RELN: variants seen among roughly 807,000 people sequenced by gnomAD.
RELN encodes reelin.
In RELN, 108 loss-of-function variants were observed where a neutral mutation model predicts 427.6. The observed-to-expected ratio is 0.25, with a 90% CI of 0.22 to 0.30. The LOEUF (loss-of-function observed/expected upper bound fraction) is 0.30, where lower values mean the gene tolerates loss of function less well. Ranked by LOEUF, RELN falls within the 10% of genes least tolerant of loss-of-function variation. The pLI, the probability that RELN is intolerant of heterozygous loss-of-function variation, is 1.00. For synonymous variants in RELN, 1,524 were observed against 1,513.4 expected (o/e 1.01, Z -0.16); for missense variants, 3,715 against 4,302.8 (o/e 0.86, Z 3.82).
At chr7:103,516,267 C>A (rs1829564268) in intron 49 of RELN, among the ~76,000 whole-genome samples, 1 of 149,788 alleles carries the variant, frequency 6.7e-6, no homozygotes, top group Non-Finnish European at 1.5e-5. Flanking sequence ...TTAGATTTAC[C>A]ATCCTCCTCA....
At chr7:103,842,820 T>G (rs1257182749) in intron 2 of RELN, among the ~76,000 whole-genome samples, 1 of 152,184 alleles carries the variant, frequency 6.6e-6, no homozygotes, top group Admixed American at 6.5e-5. Context: ...GTTCTATAAA[T>G]AGAGCCAATT....
At chr7:103,635,319 CATCT>C in intron 19 of RELN, 102 bp downstream of exon 19, 1 of 1,254,456 alleles carries the variant, frequency 8.0e-7, no homozygotes, top group Admixed American at 1.9e-5. Context: ...TTGTGCGCTC[CATCT>C]GTCAATGGAA....
intron 19 of RELN, among the ~76,000 whole-genome samples, chr7:103,630,860 GTT>G (rs1224190919): frequency 7.4e-6 from 1 of 134,504 alleles, no homozygotes; most frequent in Non-Finnish European, 1.6e-5. Flanking sequence ...TGTTTTTTTT[GTT>G]TTTTTTTTTT....
intron 7 of RELN, among the ~76,000 whole-genome samples, 166 bp from the exon 8 acceptor site, chr7:103,723,357 G>C (rs541984055): frequency 6.6e-6 from 1 of 152,154 alleles, no homozygotes; most frequent in Non-Finnish European, 1.5e-5. Flanking sequence ...CAATGTGTCT[G>C]AACACAGACC....
At chr7:103,696,874 A>G (rs1833987287) in intron 10 of RELN, among the ~76,000 whole-genome samples, 1 of 152,168 alleles carries the variant, frequency 6.6e-6, no homozygotes, top group Non-Finnish European at 1.5e-5. Flanking sequence ...CCTTCAAGAT[A>G]AAAATTCAAA....
At chr7:103,819,966 C>T (rs747653467) in intron 3 of RELN, among the ~76,000 whole-genome samples, 2 of 151,728 alleles carry the variant, frequency 1.3e-5, no homozygotes, top group Admixed American at 6.6e-5. Flanking sequence ...AACACTAAAC[C>T]CTTGCTCCTA....
chr7:103,605,844 T>C lies in RELN; in HGVS notation c.3009-1361A>G, dbSNP rs139320558. 7.6e-4 allele frequency among the ~76,000 whole-genome samples: 115 copies of C among 152,282 alleles called. No homozygotes were observed. In the South Asian group the frequency reaches 0.012, roughly 15 times the overall value. On this transcript the variant is annotated intron_variant, in intron 22 of 64. Coordinates refer to ENST00000428762, the MANE Select transcript of RELN (RefSeq NM_005045.4). Reference sequence around the variant, plus strand: ...TATTTTATCAATGATCTGTGACTAATAGGTTGTATTTTCATTCCTAGTAGG... The same window carrying C: ...TATTTTATCAATGATCTGTGACTAACAGGTTGTATTTTCATTCCTAGTAGG...
Position 103,838,208 on chromosome 7 carries a change from CAAAAAAAAAAAA to C in RELN, c.338-4548_338-4537del, listed in dbSNP as rs58553259. On this transcript the variant is annotated intron_variant, in intron 2 of 64. Transcript: ENST00000428762. ...TGGGCGACAGAGCGAGACTTCGTCT[CAAAAAAAAAAAA>C]AAAAAAAAAAAAAAGAAGTAATTTC... Among the ~76,000 whole-genome samples the C allele has an allele frequency of 2.6e-3, 213 of 81,114 alleles. 1 individual carries two copies. The highest frequency in any genetic ancestry group is 0.01 in the African/African-American group (205 of 19,838). The allele number at this position is 81,114 out of a possible 152,430, so 53.2% of individuals were successfully genotyped here.
At chr7:103,982,673 G>C (rs1011365577) in intron 1 of RELN, among the ~76,000 whole-genome samples, 4 of 152,082 alleles carry the variant, frequency 2.6e-5, no homozygotes, top group African/African-American at 9.7e-5. Flanking sequence ...GTGGGAAGGA[G>C]ATGGGAAAGG....
chr7:103,675,350 A>G (rs1038686261), intron 11 of RELN, among the ~76,000 whole-genome samples: 3 of 152,222 alleles, frequency 2.0e-5, no homozygotes, highest in African/African-American at 7.2e-5. Flanking sequence ...GGACCTCTTC[A>G]GGGAGAACTA....
chr7:103,506,935 A>G (rs558769678), intron 51 of RELN, among the ~76,000 whole-genome samples: 1 of 152,366 alleles, frequency 6.6e-6, no homozygotes, highest in African/African-American at 2.4e-5. Flanking sequence ...AAAGAGACAA[A>G]GACTGGCATT....
chr7:103,520,851 C>T (rs1829683414), intron 48 of RELN, among the ~76,000 whole-genome samples: 1 of 150,518 alleles, frequency 6.6e-6, no homozygotes, highest in African/African-American at 2.5e-5. Flanking sequence ...TGCCTTCTTG[C>T]TACTCGAGCT....
At chr7:103,677,517 G>A (rs1370522682) in intron 11 of RELN, among the ~76,000 whole-genome samples, 1 of 147,000 alleles carries the variant, frequency 6.8e-6, no homozygotes, top group Non-Finnish European at 1.5e-5. Context: ...TGTAATCCCA[G>A]CACTTCAGGA....
At chr7:103,525,383 G>A (rs940926287) in intron 46 of RELN, among the ~76,000 whole-genome samples, 1 of 152,096 alleles carries the variant, frequency 6.6e-6, no homozygotes, top group African/African-American at 2.4e-5. Context: ...AGGAGAGCAG[G>A]GTTGATTCCT....
chr7:103,984,297 G>T (rs1797052508), intron 1 of RELN, among the ~76,000 whole-genome samples: 1 of 151,844 alleles, frequency 6.6e-6, no homozygotes, highest in African/African-American at 2.4e-5. Context: ...CAAATTTACT[G>T]GAATAAAACA....
intron 20 of RELN, among the ~76,000 whole-genome samples, chr7:103,614,684 TCTTTA>T (rs1490871537): frequency 6.6e-6 from 1 of 152,218 alleles, no homozygotes; most frequent in African/African-American, 2.4e-5. Context: ...CAGATAAGCC[TCTTTA>T]CTTTCATCTA....
rs981118339 is a variant in RELN at position 103,968,961 on chromosome 7, A to G, written c.226+20170T>C. Among the ~76,000 whole-genome samples, 3 of 152,206 alleles carry G rather than the reference A, an allele frequency of 2.0e-5. No individual in the cohort carries two copies. Among genetic ancestry groups the G allele is most frequent in the African/African-American group, 4.8e-5 (2 of 41,460 alleles). On this transcript the variant is annotated intron_variant, in intron 1 of 64. Transcript: ENST00000428762. The surrounding 1 kb of genome is among the most constrained non-coding windows in gnomAD (Gnocchi z 4.3). ...AATGACCTATTTAACTTGACATTTT[A>G]TAGGTTTCAATACCTCTCTGTGCCT...
At chr7:103,774,663 C>T (rs542632175) in intron 4 of RELN, among the ~76,000 whole-genome samples, 59 of 152,240 alleles carry the variant, frequency 3.9e-4, no homozygotes, top group African/African-American at 1.3e-3. Context: ...GAGACAATTA[C>T]TATTTTAATT....
In RELN at chr7:103,522,211, G is replaced by A. The variant is rs371778831; in HGVS notation, c.7491-12C>T. On this transcript the variant is annotated splice_polypyrimidine_tract_variant and intron_variant, in intron 47 of 64. Transcript: ENST00000428762. ...ACTGTTCATCACAGCTGGGTGCAGA[G>A]CAAGAGAGAGGAAAAGTCAACATCA... 2 of 1,613,390 alleles carry A rather than the reference G, an allele frequency of 1.2e-6. No individual in the cohort carries two copies. The highest frequency in any genetic ancestry group is 1.7e-6 in the Non-Finnish European group (2 of 1,179,912).
Sources: gnomAD v4.1 joint callset for allele counts (sites outside exome capture counted in the v4.1 genomes callset) on GRCh38, gnomAD v4.1.1 for gene constraint, Gnocchi (gnomAD v3.1) non-coding constraint, MANE v1.5 for transcripts, NCBI Gene and HGNC (gene_info 2026-07-23, HGNC 2026-07-21) for gene names.